NBEA: variants seen among roughly 807,000 people sequenced by gnomAD.
NBEA encodes the protein lysosomal-trafficking regulator 2.
A neutral mutation model predicts 343.4 loss-of-function variants in NBEA; 44 were observed. The ratio of observed to expected loss-of-function variants is 0.13; its 90% CI spans 0.10 to 0.16. The LOEUF (loss-of-function observed/expected upper bound fraction) is 0.16, where lower values mean the gene tolerates loss of function less well. NBEA is among the 10% of genes least tolerant of loss of function. NBEA has a pLI of 1.00. For synonymous variants in NBEA, 1,175 were observed against 1,238.7 expected (o/e 0.95, Z 1.08); for missense variants, 2,555 against 3,631.3 (o/e 0.70, Z 7.62).
At chr13:35,393,241 T>A (rs1489040725) in intron 38 of NBEA, among the ~76,000 whole-genome samples, 1 of 152,074 alleles carries the variant, frequency 6.6e-6, no homozygotes, top group Non-Finnish European at 1.5e-5. Context: ...CAAAACACAT[T>A]TTAGCACATT....
chr13:35,595,163 T>A (rs2081728133), intron 47 of NBEA, among the ~76,000 whole-genome samples: 2 of 151,988 alleles, frequency 1.3e-5, no homozygotes, highest in Admixed American at 1.3e-4. Flanking sequence ...TCCTCTAAAT[T>A]CTCCCAGAAA....
rs765494998 is a variant in NBEA at position 35,110,998 on chromosome 13, T to C, written c.2002+20T>C. Reference sequence around the variant, plus strand: ...GATTAGGTATGTATACCACTTCCACTGTATTTACATTTGCCTATGATTATT... The same window carrying C: ...GATTAGGTATGTATACCACTTCCACCGTATTTACATTTGCCTATGATTATT... On this transcript the variant is annotated intron_variant, in intron 13 of 58. Coordinates refer to ENST00000379939, the MANE Select transcript of NBEA (RefSeq NM_001385012.1). The C allele has an allele frequency of 5.1e-6, 8 of 1,569,286 alleles. No individual in the cohort carries two copies. The East Asian group carries it at 1.1e-4, about 22-fold the overall frequency.
At chr13:35,533,345 G>A (rs1207705581) in intron 41 of NBEA, among the ~76,000 whole-genome samples, 1 of 152,012 alleles carries the variant, frequency 6.6e-6, no homozygotes, top group African/African-American at 2.4e-5. Context: ...TGTGGGAGGG[G>A]ATTATTGATA....
At chr13:35,128,953 C>T (rs2067270718) in intron 17 of NBEA, among the ~76,000 whole-genome samples, 1 of 150,932 alleles carries the variant, frequency 6.6e-6, no homozygotes, top group Non-Finnish European at 1.5e-5. Context: ...AAGATAAAGC[C>T]TTAGAAAATA....
chr13:35,088,695 C>T (rs186374505), intron 10 of NBEA, among the ~76,000 whole-genome samples: 13 of 151,252 alleles, frequency 8.6e-5, no homozygotes, highest in African/African-American at 2.4e-4. Flanking sequence ...AGCATGGTAC[C>T]GGTACCAAAA....
At chr13:35,271,402 A>C (rs751890056) in intron 34 of NBEA, among the ~76,000 whole-genome samples, 13 of 152,352 alleles carry the variant, frequency 8.5e-5, no homozygotes, top group Non-Finnish European at 2.9e-5. Flanking sequence ...GATGGGGAGA[A>C]ACCAGAGCAG....
At chr13:35,083,630 A>G (rs2064551985) in intron 10 of NBEA, among the ~76,000 whole-genome samples, 1 of 152,146 alleles carries the variant, frequency 6.6e-6, no homozygotes, top group Non-Finnish European at 1.5e-5. Flanking sequence ...GAAAGGAACA[A>G]CTGGTACCAG....
At chr13:35,416,596 G>A (rs920286032) in intron 38 of NBEA, among the ~76,000 whole-genome samples, 2 of 152,136 alleles carry the variant, frequency 1.3e-5, no homozygotes, top group Non-Finnish European at 2.9e-5. Flanking sequence ...CAACTTGATC[G>A]TGGTGGATAA....
intron 35 of NBEA, among the ~76,000 whole-genome samples, chr13:35,303,501 T>G (rs1438163191): frequency 6.6e-6 from 1 of 152,106 alleles, no homozygotes; most frequent in African/African-American, 2.4e-5. Context: ...GAGTTTACAG[T>G]TTTCTGGGAA....
In NBEA at chr13:35,070,166, A is replaced by G. The variant is rs193179837; in HGVS notation, c.1437+61A>G. The G allele has an allele frequency of 2.0e-5, 27 of 1,352,588 alleles. 1 individual carries two copies. In the Admixed American group the frequency reaches 7.3e-4, roughly 37 times the overall value. The allele number at this position is 1,352,588 out of a possible 1,614,324, so 83.8% of individuals were successfully genotyped here. ...CAGAATTTGACAGTATCTTTATTTT[A>G]TATATCAAACATTGCTCATCTATAA... is the stretch of plus-strand genomic sequence containing the variant. On this transcript the variant is annotated intron_variant, in intron 9 of 58. Coordinates refer to ENST00000379939, the MANE Select transcript of NBEA (RefSeq NM_001385012.1).
intron 41 of NBEA, among the ~76,000 whole-genome samples, chr13:35,521,585 C>T (rs17068345): frequency 0.066 from 10,059 of 152,210 alleles, 504 homozygotes; most frequent in African/African-American, 0.13. Flanking sequence ...TCTGCTTCAT[C>T]GTTGTTTCTC....
At position 35,196,431 on chromosome 13, in the gene NBEA, A is replaced by G. The variant is rs913283585; in HGVS notation, c.5366+129A>G. 9.1e-6 allele frequency: 8 copies of G among 876,730 alleles called. No homozygotes were observed. The South Asian group carries it at 9.7e-5, about 11-fold the overall frequency. The allele number at this position is 876,730 out of a possible 1,614,324, so 54.3% of individuals were successfully genotyped here. Reference sequence around the variant, plus strand: ...GATTCTTATTACAAAGACAATCAAAATGATGGCTCAACCTAATCTTATAAT... The same window carrying G: ...GATTCTTATTACAAAGACAATCAAAGTGATGGCTCAACCTAATCTTATAAT... On this transcript the variant is annotated intron_variant, in intron 31 of 58. Coordinates refer to ENST00000379939, the MANE Select transcript of NBEA (RefSeq NM_001385012.1).
intron 24 of NBEA, 29 bp downstream of exon 24, chr13:35,164,538 A>G (rs776930379): frequency 2.6e-5 from 42 of 1,590,952 alleles, no homozygotes; most frequent in Admixed American, 1.4e-4. Flanking sequence ...TCTAGTGGTT[A>G]TATTTTATAA....
rs1184624438 is a variant in NBEA at position 35,050,403 on chromosome 13, A to C, written c.972+8A>C. 5 of 1,605,210 alleles carry C rather than the reference A, an allele frequency of 3.1e-6. No homozygotes were observed. Among genetic ancestry groups the C allele is most frequent in the African/African-American group, 1.3e-5 (1 of 74,656 alleles). ...GATTTTCAACCACGCAAGGTAGGTA[A>C]AAGTAAATATTTTTATAACTCACCT... On this transcript the variant is annotated splice_region_variant and intron_variant, in intron 6 of 58. Transcript: ENST00000379939.
At position 35,284,600 on chromosome 13, in the gene NBEA, T is replaced by G. The variant is rs902543372; in HGVS notation, c.5777-5789T>G. Among the ~76,000 whole-genome samples, 10 of 152,304 alleles carry G rather than the reference T, an allele frequency of 6.6e-5. 1 individual carries two copies. The East Asian group carries it at 1.9e-3, about 29-fold the overall frequency. On this transcript the variant is annotated intron_variant, in intron 34 of 58. Coordinates refer to ENST00000379939, the MANE Select transcript of NBEA (RefSeq NM_001385012.1). ...CTACCTATATACATCTTAATATTAATTTTAGCAATGATAAAAATTTAAGCC... is the reference window on the plus strand; with the variant it reads ...CTACCTATATACATCTTAATATTAAGTTTAGCAATGATAAAAATTTAAGCC...
chr13:35,627,341 A>G (rs560420932), intron 48 of NBEA, among the ~76,000 whole-genome samples: 5 of 152,264 alleles, frequency 3.3e-5, no homozygotes, highest in African/African-American at 4.8e-5. Context: ...TGAGCCATGC[A>G]CCATCACTAC....
chr13:35,231,212 G>A (rs2152769615), intron 33 of NBEA, among the ~76,000 whole-genome samples: 1 of 152,172 alleles, frequency 6.6e-6, no homozygotes, highest in Admixed American at 6.6e-5. Flanking sequence ...TGCTGATGGT[G>A]ATACTTAGAG....
chr13:35,528,786 A>G (rs919456190), intron 41 of NBEA, among the ~76,000 whole-genome samples: 1 of 152,204 alleles, frequency 6.6e-6, no homozygotes, highest in East Asian at 1.9e-4. Context: ...TTATCTTAAG[A>G]GAGAAAAACT....
Position 35,256,314 on chromosome 13 carries a change from A to G in NBEA, c.5776+23695A>G, listed in dbSNP as rs141963199. 1.5e-3 allele frequency among the ~76,000 whole-genome samples: 224 copies of G among 152,328 alleles called. 1 individual carries two copies. Among genetic ancestry groups the G allele is most frequent in the African/African-American group, 4.9e-3 (205 of 41,584 alleles). ...TAGTTTCTTTCTGCAGCTGGTAGTC[A>G]TGATGTCTGTGTAAGTCTGGCTGGT... On this transcript the variant is annotated intron_variant, in intron 34 of 58. Transcript: ENST00000379939.
Sources: gnomAD v4.1 joint callset for allele counts (sites outside exome capture counted in the v4.1 genomes callset) on GRCh38, gnomAD v4.1.1 for gene constraint, MANE v1.5 for transcripts, NCBI Gene and HGNC (gene_info 2026-07-23, HGNC 2026-07-21) for gene names.